Variants in RARB observed in about 807,000 individuals in gnomAD.
The protein encoded by RARB is retinoic acid receptor beta.
A neutral mutation model predicts 51.9 loss-of-function variants in RARB; 17 were observed. That is an observed-to-expected ratio of 0.33 (90% CI 0.22 to 0.49). RARB has a LOEUF of 0.49. RARB is among the 20% of genes least tolerant of loss of function. The probability of loss-of-function intolerance (pLI) is 0.99; values close to 1 mark genes in which losing one functional copy is unlikely to be tolerated. For missense variants in RARB, 369 were observed against 550.8 expected (o/e 0.67, Z 3.30); for synonymous variants, 215 against 195.4 (o/e 1.10, Z -0.84).
chr3:24,929,822 G>T (rs1242197090), intron 2 of RARB, among the ~76,000 whole-genome samples: 1 of 152,026 alleles, frequency 6.6e-6, no homozygotes, highest in African/African-American at 2.4e-5. Context: ...CTGCTGTTTT[G>T]AGTTGACTCC....
intron 4 of RARB, among the ~76,000 whole-genome samples, chr3:25,136,890 T>C (rs1700038760): frequency 1.3e-5 from 2 of 151,998 alleles, no homozygotes; most frequent in Admixed American, 1.3e-4. Flanking sequence ...GGAATACATA[T>C]TTGGCAAGTT....
chr3:25,492,856 G>A (rs1413988538), intron 2 of RARB, among the ~76,000 whole-genome samples: 1 of 152,248 alleles, frequency 6.6e-6, no homozygotes, highest in Non-Finnish European at 1.5e-5. Context: ...CTCAGTGAAA[G>A]ACCAGAAGAT....
chr3:25,076,481 TAGATTTA>T (rs1450705120), intron 3 of RARB, among the ~76,000 whole-genome samples: 6 of 152,216 alleles, frequency 3.9e-5, no homozygotes, highest in African/African-American at 2.4e-5. Context: ...GTGGCTATTT[TAGATTTA>T]AATTTGCCCA....
At chr3:25,208,165 G>A (rs962573961) in intron 5 of RARB, among the ~76,000 whole-genome samples, 3 of 152,058 alleles carry the variant, frequency 2.0e-5, no homozygotes, top group Non-Finnish European at 2.9e-5. Flanking sequence ...ATCACCTTTC[G>A]CTAGGCCTTA....
chr3:24,900,724 C>T (rs1227864227), intron 2 of RARB, among the ~76,000 whole-genome samples: 1 of 152,140 alleles, frequency 6.6e-6, no homozygotes, highest in Non-Finnish European at 1.5e-5. Context: ...TGCATTTAGG[C>T]ACAACTTTAC....
chr3:25,231,179 C>A (rs1702167344), intron 5 of RARB, among the ~76,000 whole-genome samples: 1 of 151,982 alleles, frequency 6.6e-6, no homozygotes, highest in South Asian at 2.1e-4. Context: ...AAGTGTTATG[C>A]AAAACAATGA....
chr3:24,971,702 A>G (rs979858975), intron 2 of RARB, among the ~76,000 whole-genome samples: 1 of 152,048 alleles, frequency 6.6e-6, no homozygotes, highest in African/African-American at 2.4e-5. Flanking sequence ...AGCTTTCTGG[A>G]ACAGTAAGGA....
At chr3:25,361,694 C>T (rs1705940239) in intron 5 of RARB, among the ~76,000 whole-genome samples, 1 of 152,082 alleles carries the variant, frequency 6.6e-6, no homozygotes, top group Non-Finnish European at 1.5e-5. Flanking sequence ...GATGTTGGTG[C>T]TATTGCTTTC....
At chr3:25,575,501 G>T (rs1700889527) in intron 4 of RARB, among the ~76,000 whole-genome samples, 1 of 152,204 alleles carries the variant, frequency 6.6e-6, no homozygotes, top group East Asian at 1.9e-4. Flanking sequence ...TGTGTGCATG[G>T]CCACGCTGTC....
intron 4 of RARB, among the ~76,000 whole-genome samples, chr3:25,151,775 G>GT (rs746900197): frequency 9.9e-5 from 15 of 152,174 alleles, no homozygotes; most frequent in Non-Finnish European, 1.9e-4. Context: ...TCAAAGGAAT[G>GT]TTTGTTATTA....
At chr3:24,896,353 A>G (rs1162182051) in intron 2 of RARB, among the ~76,000 whole-genome samples, 2 of 152,086 alleles carry the variant, frequency 1.3e-5, no homozygotes, top group African/African-American at 4.8e-5. Flanking sequence ...TCTGTCTTCC[A>G]GGTTCAAGCG....
rs1164214169 is a variant in RARB at position 25,428,489 on chromosome 3, A to ACC, written c.-238_-237dup. ...AGGAGAACTTGGGATCTTTCTGGGA[A>ACC]CCCCCCGCCCCGGCTGGATTGGCCG... On this transcript the variant is annotated 5_prime_UTR_variant, in exon 1 of 8. Coordinates refer to ENST00000330688, the MANE Select transcript of RARB (RefSeq NM_000965.5). The ACC allele has an allele frequency of 7.9e-7, 1 of 1,266,514 alleles. No individual in the cohort carries two copies. Among genetic ancestry groups the ACC allele is most frequent in the Non-Finnish European group, 9.9e-7 (1 of 1,007,742 alleles). The allele number at this position is 1,266,514 out of a possible 1,614,324, so 78.5% of individuals were successfully genotyped here.
rs753372473 is a variant in RARB, at chr3:25,594,689, G to A, written c.1150+11G>A. Reference sequence around the variant, plus strand: ...GCATCAGTGCTAAAGGTATGTCTTCGTGCTCTCAGTACTGTAGTCACACAG... The same window carrying A: ...GCATCAGTGCTAAAGGTATGTCTTCATGCTCTCAGTACTGTAGTCACACAG... On this transcript the variant is annotated intron_variant, in intron 7 of 7. Coordinates refer to ENST00000330688, the MANE Select transcript of RARB (RefSeq NM_000965.5). 16 of 1,604,386 alleles carry A rather than the reference G, an allele frequency of 1.0e-5. No homozygotes were observed. The highest frequency in any genetic ancestry group is 9.4e-5 in the African/African-American group (7 of 74,120).
At chr3:25,048,289 C>G (rs1698256757) in intron 2 of RARB, among the ~76,000 whole-genome samples, 1 of 152,122 alleles carries the variant, frequency 6.6e-6, no homozygotes, top group African/African-American at 2.4e-5. Context: ...TTTGGGCCAT[C>G]TAAGTTACCA....
chr3:24,829,609 G>T (rs1702253833), intron 1 of RARB, among the ~76,000 whole-genome samples: 1 of 152,338 alleles, frequency 6.6e-6, no homozygotes, highest in African/African-American at 2.4e-5. Context: ...GCCCGCGACC[G>T]ATCCCAGGAC....
intron 2 of RARB, among the ~76,000 whole-genome samples, chr3:24,929,494 G>A (rs1438446100): frequency 6.6e-6 from 1 of 152,100 alleles, no homozygotes; most frequent in Non-Finnish European, 1.5e-5. Context: ...AGAGCAAAGA[G>A]TGGTTTTATT....
intron 1 of RARB, among the ~76,000 whole-genome samples, chr3:25,448,890 A>C: frequency 2.0e-5 from 3 of 147,978 alleles, no homozygotes; most frequent in Admixed American, 6.8e-5. Flanking sequence ...ACCCCCCTCC[A>C]CCCCCGCAAT....
intron 2 of RARB, among the ~76,000 whole-genome samples, chr3:25,041,844 A>C (rs1698120566): frequency 6.6e-6 from 1 of 151,786 alleles, no homozygotes; most frequent in South Asian, 2.1e-4. Flanking sequence ...GAATTTTATT[A>C]ATTCAGAATT....
At chr3:25,424,680 G>GT (rs1707942983), upstream of RARB, among the ~76,000 whole-genome samples, 1 of 137,794 alleles carries the variant, frequency 7.3e-6, no homozygotes, top group African/African-American at 3.6e-5. Context: ...CCCCTGTGGT[G>GT]GGGGGGGATA....
Sources: allele counts gnomAD v4.1 joint callset (sites outside exome capture counted in the v4.1 genomes callset), GRCh38; gene constraint gnomAD v4.1.1; transcripts MANE v1.5; gene names NCBI Gene and HGNC (gene_info 2026-07-23, HGNC 2026-07-21).